KCNT1: variants seen among roughly 807,000 people sequenced by gnomAD.
KCNT1 encodes the protein potassium channel subfamily T member 1.
KCNT1 carries 78 observed loss-of-function variants against 147.8 expected under a neutral mutation model. The observed-to-expected ratio is 0.53, with a 90% CI of 0.44 to 0.64. KCNT1 has a LOEUF of 0.64. Ranked by LOEUF, KCNT1 falls within the 30% of genes least tolerant of loss-of-function variation. KCNT1 has a pLI of 0.00. For synonymous variants in KCNT1, 867 were observed against 748.8 expected (o/e 1.16, Z -2.58); for missense variants, 1,419 against 1,750.3 (o/e 0.81, Z 3.38).
chr9:135,752,317 C>T lies in KCNT1; in HGVS notation c.434+1276C>T. 1 of 455,058 alleles carries T rather than the reference C, an allele frequency of 2.2e-6. No homozygotes were observed. Among genetic ancestry groups the T allele is most frequent in the African/African-American group, 2.0e-5 (1 of 50,118 alleles). The allele number at this position is 455,058 out of a possible 1,614,324, so 28.2% of individuals were successfully genotyped here. A position where few individuals can be genotyped will look rare whatever the true frequency, so the allele number is the denominator to read the frequency against. On this transcript the variant is annotated intron_variant, in intron 4 of 30. Transcript: ENST00000371757. This position sits in a 1 kb window ranked among gnomAD's most constrained non-coding sequence, Gnocchi z 5.1. ...CACCTGTTACCCCGTCACAAGGGGG[C>T]CTGGCATCCCCAGGCCAGAGACTTT...
chr9:135,740,435 CAGCCCAGAGGGGCTCCTAGAG>C (rs1830515396), intron 2 of KCNT1, among the ~76,000 whole-genome samples: 1 of 152,230 alleles, frequency 6.6e-6, no homozygotes, highest in Non-Finnish European at 1.5e-5. Flanking sequence ...TTCCCCCAGT[CAGCCCAGAGGGGCTCCTAGAG>C]AGCCCAGAGG....
In KCNT1 at chr9:135,769,981, C is replaced by A; in HGVS notation, c.1545C>A (p.Ala515=). 6.4e-7 allele frequency: 1 copy of A among 1,556,474 alleles called. No individual in the cohort carries two copies. The change falls in exon 16 of 31, where the codon GCC becomes GCA. Residue 515 remains alanine (A), a synonymous_variant. Coordinates refer to ENST00000371757, the MANE Select transcript of KCNT1 (RefSeq NM_020822.3). ...HVVCEEECKY[A]MLALNCICPA... is the part of the protein sequence containing the mutation. ...TGTGTGAGGAGGAGTGCAAGTACGC[C>A]ATGCTGGCGCTGAACTGCATCTGCC...
intron 29 of KCNT1, 150 bp downstream of exon 29, chr9:135,786,671 G>GCCTGCCTCTA (rs1834078869): frequency 1.3e-6 from 1 of 792,406 alleles, no homozygotes; most frequent in Non-Finnish European, 1.9e-6. Context: ...GCCACCCTCT[G>GCCTGCCTCTA]CCTGCCTCTA....
At chr9:135,705,165 C>A (rs1835202291) in intron 1 of KCNT1, among the ~76,000 whole-genome samples, 1 of 152,216 alleles carries the variant, frequency 6.6e-6, no homozygotes, top group Non-Finnish European at 1.5e-5. Context: ...TGCTGTGGGG[C>A]CATCTCATGC....
rs116581586 is a variant in KCNT1, at chr9:135,723,551, C to T, written c.254+8831C>T. Among the ~76,000 whole-genome samples the T allele has an allele frequency of 7.4e-3, 1,122 of 152,326 alleles. 20 individuals are homozygous for T. The highest frequency in any genetic ancestry group is 0.026 in the African/African-American group (1,061 of 41,582). On this transcript the variant is annotated intron_variant, in intron 2 of 30. Transcript: ENST00000371757. ...AAGGGGCATTTTGTGCCTGTGCGAC[C>T]GACAGCTGTGCCCACGCGTCTGCTG...
Position 135,778,742 on chromosome 9 carries a change from G to A in KCNT1, c.2649G>A (p.Val883=), listed in dbSNP as rs766768602. The A allele has an allele frequency of 1.5e-5, 25 of 1,613,728 alleles. No homozygotes were observed. Among genetic ancestry groups the A allele is most frequent in the African/African-American group, 4.0e-5 (3 of 74,858 alleles). Residue 883 remains valine, a synonymous_variant, in exon 23 of 31, where the codon GTG becomes GTA. Transcript: ENST00000371757. The stretch of plus-strand genomic sequence containing the variant: ...TCTATGCGGACAACCTGGTGGTGGT[G>A]GACAAGGAGAGCACCATGAGCGCCG... ...GIIYADNLVV[V]DKESTMSAEE...
At position 135,741,415 on chromosome 9, in the gene KCNT1, G is replaced by C. The variant is rs543206519; in HGVS notation, c.255-8683G>C. Among the ~76,000 whole-genome samples, 10 of 152,346 alleles carry C rather than the reference G, an allele frequency of 6.6e-5. No homozygotes were observed. The East Asian group carries it at 1.7e-3, about 26-fold the overall frequency. On this transcript the variant is annotated intron_variant, in intron 2 of 30. Coordinates refer to ENST00000371757, the MANE Select transcript of KCNT1 (RefSeq NM_020822.3). The stretch of plus-strand genomic sequence containing the variant: ...CACTGCCAGGCTCCTGCCAGCCTCT[G>C]ACACGGCTGTTGCCCTGGCTCAGAG...
intron 17 of KCNT1, 34 bp from the exon 18 acceptor site, chr9:135,770,823 G>A (rs148022360): frequency 6.6e-6 from 10 of 1,525,352 alleles, no homozygotes; most frequent in South Asian, 2.4e-5. Flanking sequence ...GCGGGTGAGC[G>A]GCGGTACCTG....
chr9:135,731,101 G>A (rs1010480460), intron 2 of KCNT1, among the ~76,000 whole-genome samples: 1 of 151,300 alleles, frequency 6.6e-6, no homozygotes, highest in African/African-American at 2.4e-5. Context: ...TCCCCTCTGA[G>A]ATCCCACCGC....
intron 11 of KCNT1, among the ~76,000 whole-genome samples, chr9:135,761,867 C>A: frequency 6.6e-6 from 1 of 152,246 alleles, no homozygotes. Flanking sequence ...GCAGCTCCAC[C>A]TTCGGGCTGC....
intron 20 of KCNT1, 138 bp downstream of exon 20, chr9:135,775,553 AG>A (rs1285250959): frequency 7.1e-5 from 44 of 616,324 alleles, no homozygotes; most frequent in Non-Finnish European, 1.1e-5. Context: ...GAATTCTGCA[AG>A]GGAGAGCCAC....
rs181003928 is a variant in KCNT1 at position 135,740,276 on chromosome 9, G to A, written c.255-9822G>A. The stretch of plus-strand genomic sequence containing the variant: ...CGAGATAAGGGGGTGCCTTTGTTGC[G>A]TGTGGGAACCTGCCGGGACCTGGCT... On this transcript the variant is annotated intron_variant, in intron 2 of 30. Coordinates refer to ENST00000371757, the MANE Select transcript of KCNT1 (RefSeq NM_020822.3). Among the ~76,000 whole-genome samples, 50 of 152,318 alleles carry A rather than the reference G, an allele frequency of 3.3e-4. No individual in the cohort carries two copies. The East Asian group carries it at 4.2e-3, about 13-fold the overall frequency.
chr9:135,726,499 C>T (rs930490480), intron 2 of KCNT1, among the ~76,000 whole-genome samples: 4 of 152,090 alleles, frequency 2.6e-5, no homozygotes, highest in Admixed American at 6.5e-5. Context: ...CTCAGTGGGT[C>T]CCTTGGTAGG....
chr9:135,718,606 G>A (rs1157859244), intron 2 of KCNT1, among the ~76,000 whole-genome samples: 2 of 152,202 alleles, frequency 1.3e-5, no homozygotes, highest in African/African-American at 4.8e-5. Flanking sequence ...AGATTGAGGG[G>A]CAGGGAGACC....
chr9:135,737,835 G>A (rs1196122480), intron 2 of KCNT1, among the ~76,000 whole-genome samples: 3 of 152,194 alleles, frequency 2.0e-5, no homozygotes, highest in Admixed American at 1.3e-4. Flanking sequence ...GGGGGGCACT[G>A]CCCAGCTTAG....
intron 5 of KCNT1, among the ~76,000 whole-genome samples, chr9:135,754,336 G>A (rs1292822835): frequency 6.6e-6 from 1 of 152,132 alleles, no homozygotes; most frequent in Non-Finnish European, 1.5e-5. Flanking sequence ...TTTGAGAATT[G>A]TGAGTTCCCA....
intron 13 of KCNT1, among the ~76,000 whole-genome samples, chr9:135,767,502 TC>T (rs1039063694): frequency 6.6e-6 from 1 of 152,166 alleles, no homozygotes; most frequent in East Asian, 1.9e-4. Flanking sequence ...CCACCCAGGT[TC>T]CCAGACCACA....
chr9:135,730,990 T>TAAAAAAAAAAAAAA lies in KCNT1; in HGVS notation c.254+16280_254+16293dup, dbSNP rs56307359. Among the ~76,000 whole-genome samples the TAAAAAAAAAAAAAA allele has an allele frequency of 2.3e-5, 2 of 85,594 alleles. No homozygotes were observed. The highest frequency in any genetic ancestry group is 9.1e-5 in the African/African-American group (2 of 22,048). 56.2% of individuals were successfully genotyped at this position (85,594 alleles called of 152,430 possible). A position where few individuals can be genotyped will look rare whatever the true frequency, so the allele number is the denominator to read the frequency against. On this transcript the variant is annotated intron_variant, in intron 2 of 30. Coordinates refer to ENST00000371757, the MANE Select transcript of KCNT1 (RefSeq NM_020822.3). The surrounding 1 kb of genome is among the most constrained non-coding windows in gnomAD (Gnocchi z 4.7). ...AACAAAGTGAGATCCCGTCTCAAGGTAAAAAAAAAAAAAAAAAAAAAAAGT... is the reference window on the plus strand; with the variant it reads ...AACAAAGTGAGATCCCGTCTCAAGGTAAAAAAAAAAAAAAAAAAAAAAAAAAAAAAAAAAAAAGT...
rs954342612 is a variant in KCNT1 at position 135,765,652 on chromosome 9, C to G, written c.1229C>G (p.Thr410Arg). 1 of 1,611,036 alleles carries G rather than the reference C, an allele frequency of 6.2e-7. No homozygotes were observed. Among genetic ancestry groups the G allele is most frequent in the Admixed American group, 1.7e-5 (1 of 59,910 alleles). ...TATTACGTGGTCATCCTGTGCCCCA[C>G]GGAGATGGATGTCCAGGTGCGCAGA... ...QDYYVVILCP[T>R]EMDVQVRRVL... The change falls in exon 13 of 31, where the codon ACG (threonine) becomes AGG (arginine). Residue 410 changes from threonine to arginine, a missense_variant. Around this residue, in one of 5 missense-constraint regions of KCNT1, gnomAD observed 401 missense variants for 610.6 expected, o/e 0.66. Transcript: ENST00000371757.
Sources: gnomAD v4.1 joint callset for allele counts (sites outside exome capture counted in the v4.1 genomes callset) on GRCh38, gnomAD v4.1.1 for gene constraint, gnomAD v4.1.1 regional missense constraint, Gnocchi (gnomAD v3.1) non-coding constraint, MANE v1.5 for transcripts, NCBI Gene and HGNC (gene_info 2026-07-23, HGNC 2026-07-21) for gene names.